Variants in SLC2A7 observed in about 807,000 individuals in gnomAD.
The protein encoded by SLC2A7 is solute carrier family 2, facilitated glucose transporter member 7.
A neutral mutation model predicts 50.5 loss-of-function variants in SLC2A7; 50 were observed. The ratio of observed to expected loss-of-function variants is 0.99; its 90% CI spans 0.79 to 1.25. The LOEUF is 1.25. Ranked by LOEUF, SLC2A7 falls within the 50% of genes most tolerant of loss-of-function variation. The pLI, the probability that SLC2A7 is intolerant of heterozygous loss-of-function variation, is 0.00. For synonymous variants in SLC2A7, 308 were observed against 300.4 expected (o/e 1.03, Z -0.26); for missense variants, 683 against 679.1 (o/e 1.01, Z -0.06).
At position 9,022,923 on chromosome 1, in the gene SLC2A7, G is replaced by T. The variant is rs150171848; in HGVS notation, c.306C>A (p.Cys102Ter). ...GCAGTGCACCTTCTGTTTACCTGCC[G>T]CAGCTATCAACCAGCAGGCCCACGA... is the stretch of plus-strand genomic sequence containing the variant. ...SLLVGLLVDS[C>*]GRKGTLLINN... is the part of the protein sequence containing the mutation. Residue 102 changes from cysteine (C) to a stop codon, truncating the protein, a stop_gained, in exon 3 of 12, where the codon TGC becomes TGA. Coordinates refer to ENST00000400906, the MANE Select transcript of SLC2A7 (RefSeq NM_207420.3). LOFTEE classifies it high-confidence loss of function. 7 of 1,613,752 alleles carry T rather than the reference G, an allele frequency of 4.3e-6. No homozygotes were observed. Among genetic ancestry groups the T allele is most frequent in the Admixed American group, 3.3e-5 (2 of 59,946 alleles).
At chr1:8,994,545 A>G in the SLC2A7 span, among the ~76,000 whole-genome samples, 1 of 152,080 alleles carries the variant, frequency 6.6e-6, no homozygotes, top group African/African-American at 2.4e-5. Context: ...CATTTACTGA[A>G]CACCCACTGG....
intron 8 of SLC2A7, among the ~76,000 whole-genome samples, chr1:9,011,337 A>G (rs977433482): frequency 6.6e-6 from 1 of 152,182 alleles, no homozygotes; most frequent in Admixed American, 6.5e-5. Context: ...CCATACCTGA[A>G]TAAGAATAAA....
At chr1:9,021,303 C>T (rs1569807693) in intron 3 of SLC2A7, among the ~76,000 whole-genome samples, 1 of 152,294 alleles carries the variant, frequency 6.6e-6, no homozygotes, top group East Asian at 1.9e-4. Context: ...AGCCCCCGTG[C>T]CCAGCCTGGT....
chr1:9,006,826 A>G lies in SLC2A7; in HGVS notation c.1192+484T>C, dbSNP rs138865296. ...TCTGGAGTCTCAGAGGCTGCCCAACAGGTGGGCCCAGGTGGAGGCCCGAAG... is the reference window on the plus strand; with the variant it reads ...TCTGGAGTCTCAGAGGCTGCCCAACGGGTGGGCCCAGGTGGAGGCCCGAAG... On this transcript the variant is annotated intron_variant, in intron 10 of 11. Coordinates refer to ENST00000400906, the MANE Select transcript of SLC2A7 (RefSeq NM_207420.3). 1.4e-4 allele frequency among the ~76,000 whole-genome samples: 21 copies of G among 152,286 alleles called. No homozygotes were observed. The South Asian group carries it at 1.5e-3, about 11-fold the overall frequency.
intron 4 of SLC2A7, 129 bp from the exon 5 acceptor site, chr1:9,018,504 C>T: frequency 1.5e-6 from 2 of 1,297,720 alleles, no homozygotes; most frequent in Non-Finnish European, 2.1e-6. Context: ...TGGAGCTCGG[C>T]CAACCTCGAC....
intron 3 of SLC2A7, among the ~76,000 whole-genome samples, chr1:9,022,315 G>A (rs1640923410): frequency 6.6e-6 from 1 of 152,160 alleles, no homozygotes; most frequent in Non-Finnish European, 1.5e-5. Flanking sequence ...TGCCCTCCTG[G>A]GAACCTTGGC....
rs1246906342 is a variant in SLC2A7 at position 9,008,436 on chromosome 1, A to G, written c.1117-1051T>C. ...GTGTGAAGCGAGCAGCTGCTGCTGCATTTTCAGGCAGAGCCCCTGGTTGGA... is the reference window on the plus strand; with the variant it reads ...GTGTGAAGCGAGCAGCTGCTGCTGCGTTTTCAGGCAGAGCCCCTGGTTGGA... On this transcript the variant is annotated intron_variant, in intron 9 of 11. Coordinates refer to ENST00000400906, the MANE Select transcript of SLC2A7 (RefSeq NM_207420.3). The surrounding 1 kb of genome is among the most constrained non-coding windows in gnomAD (Gnocchi z 5.9). 1.3e-5 allele frequency among the ~76,000 whole-genome samples: 2 copies of G among 152,132 alleles called. No homozygotes were observed. Among genetic ancestry groups the G allele is most frequent in the African/African-American group, 4.8e-5 (2 of 41,412 alleles).
At chr1:8,997,905 T>C in the SLC2A7 span, among the ~76,000 whole-genome samples, 1 of 152,232 alleles carries the variant, frequency 6.6e-6, no homozygotes, top group East Asian at 1.9e-4. Flanking sequence ...GTGTGTTGTG[T>C]AACCTAAGCT....
Position 9,009,619 on chromosome 1 carries a change from G to A in SLC2A7, c.1116+524C>T, listed in dbSNP as rs114255667. Among the ~76,000 whole-genome samples the A allele has an allele frequency of 3.7e-3, 560 of 152,268 alleles. 3 individuals are homozygous for A. The highest frequency in any genetic ancestry group is 0.013 in the African/African-American group (542 of 41,546). The stretch of plus-strand genomic sequence containing the variant: ...CTACAGGTGCACACCACCACACCCA[G>A]AAAACGTTTTGTATTTTTTGTAGAG... On this transcript the variant is annotated intron_variant, in intron 9 of 11. Transcript: ENST00000400906.
At chr1:9,007,573 C>CCTG (rs1197519546) in intron 9 of SLC2A7, among the ~76,000 whole-genome samples, 188 bp from the exon 10 acceptor site, 1 of 152,202 alleles carries the variant, frequency 6.6e-6, no homozygotes, top group Non-Finnish European at 1.5e-5. Context: ...TAGCCTCCCA[C>CCTG]AGGGCTCCCT....
intron 10 of SLC2A7, 152 bp downstream of exon 10, chr1:9,007,158 C>G (rs529905688): frequency 1.7e-4 from 150 of 859,100 alleles, no homozygotes; most frequent in African/African-American, 8.4e-4. Context: ...GGAGTGCCAT[C>G]AAGGCTGAGA....
intron 9 of SLC2A7, among the ~76,000 whole-genome samples, chr1:9,009,201 T>A (rs915195097): frequency 2.6e-5 from 4 of 152,240 alleles, no homozygotes; most frequent in African/African-American, 9.6e-5. Flanking sequence ...ATTGCGTTGC[T>A]GATATATTTT....
chr1:9,002,455 T>C (rs1460930585), downstream of SLC2A7, among the ~76,000 whole-genome samples: 1 of 152,158 alleles, frequency 6.6e-6, no homozygotes, highest in African/African-American at 2.4e-5. Flanking sequence ...ACTGAGATGT[T>C]TGTGTAAAGT....
chr1:9,007,200 G>A, intron 10 of SLC2A7, 110 bp downstream of exon 10: 3 of 1,251,322 alleles, frequency 2.4e-6, no homozygotes, highest in Admixed American at 1.8e-5. Flanking sequence ...CGTGAGCACG[G>A]GGACCAAGGA....
intron 10 of SLC2A7, 49 bp from the exon 11 acceptor site, chr1:9,004,928 C>G: frequency 6.3e-7 from 1 of 1,587,370 alleles, no homozygotes; most frequent in South Asian, 1.1e-5. Context: ...CCAGGTGTCC[C>G]CCAGGGCTGG....
At position 9,019,877 on chromosome 1, in the gene SLC2A7, T is replaced by G. The variant is rs912042373; in HGVS notation, c.312-544A>C. 5.9e-5 allele frequency among the ~76,000 whole-genome samples: 9 copies of G among 151,908 alleles called. 1 individual carries two copies. The South Asian group carries it at 1.9e-3, about 32-fold the overall frequency. On this transcript the variant is annotated intron_variant, in intron 3 of 11. Coordinates refer to ENST00000400906, the MANE Select transcript of SLC2A7 (RefSeq NM_207420.3). ...AGGCAGAGGTTGCAGTGAGCCGAGA[T>G]CGTGCCACTGCACTCCATCCAGAGC...
intron 8 of SLC2A7, among the ~76,000 whole-genome samples, chr1:9,010,691 C>CA: frequency 6.6e-6 from 1 of 152,316 alleles, no homozygotes; most frequent in South Asian, 2.1e-4. Flanking sequence ...CTGCTGCCTG[C>CA]ATGTGGGATG....
chr1:9,012,304 G>A (rs975942787), intron 8 of SLC2A7, among the ~76,000 whole-genome samples: 4 of 152,150 alleles, frequency 2.6e-5, no homozygotes, highest in Non-Finnish European at 5.9e-5. Flanking sequence ...TTTCTGGCTT[G>A]GGTTGCTCCA....
At chr1:9,002,103 C>A (rs974656938), downstream of SLC2A7, among the ~76,000 whole-genome samples, 16 of 152,254 alleles carry the variant, frequency 1.1e-4, no homozygotes, top group African/African-American at 3.9e-4. Flanking sequence ...CCCAGGGACA[C>A]AATGCACTGC....
Sources: allele counts gnomAD v4.1 joint callset (sites outside exome capture counted in the v4.1 genomes callset), GRCh38; gene constraint gnomAD v4.1.1; non-coding constraint Gnocchi (gnomAD v3.1); transcripts MANE v1.5; gene names NCBI Gene and HGNC (gene_info 2026-07-23, HGNC 2026-07-21).